Variants in NEDD4L observed in about 807,000 individuals in gnomAD.
NEDD4L encodes NEDD4 like E3 ubiquitin protein ligase.
Under a neutral mutation model 148.9 loss-of-function variants are expected in NEDD4L, and 54 were observed. The observed-to-expected ratio is 0.36, with a 90% confidence interval of 0.29 to 0.45. The LOEUF (loss-of-function observed/expected upper bound fraction) is 0.45, where lower values mean the gene tolerates loss of function less well. Among genes scored for constraint, NEDD4L ranks in the 20% least tolerant of loss-of-function variants. NEDD4L has a pLI of 1.00. For missense variants in NEDD4L, 856 were observed against 1,233.8 expected (o/e 0.69, Z 4.59); for synonymous variants, 433 against 440.7 (o/e 0.98, Z 0.22).
At chr18:58,232,394 A>G (rs972722622) in intron 2 of NEDD4L, among the ~76,000 whole-genome samples, 6 of 152,188 alleles carry the variant, frequency 3.9e-5, no homozygotes, top group African/African-American at 9.7e-5. Context: ...ACAAGCAAAA[A>G]TCTCCAGTGT....
intron 1 of NEDD4L, among the ~76,000 whole-genome samples, chr18:58,162,145 C>CT (rs1339788088): frequency 6.6e-6 from 1 of 152,174 alleles, no homozygotes; most frequent in African/African-American, 2.4e-5. Flanking sequence ...GTTCTCCCTC[C>CT]TTCTGCCCTG....
intron 1 of NEDD4L, among the ~76,000 whole-genome samples, chr18:58,114,340 T>TAAAA (rs747426397): frequency 1.3e-5 from 2 of 149,918 alleles, no homozygotes; most frequent in African/African-American, 4.9e-5. Flanking sequence ...TTGGGAGATT[T>TAAAA]AAAAAAAATA....
At chr18:58,221,459 TG>T in intron 2 of NEDD4L, 1 of 688,052 alleles carries the variant, frequency 1.5e-6, no homozygotes, top group Non-Finnish European at 1.8e-6. Flanking sequence ...CTTAACCTTA[TG>T]GTAGGAGGTG....
intron 1 of NEDD4L, chr18:58,090,971 T>A (rs1334775141): frequency 6.6e-6 from 1 of 152,272 alleles, no homozygotes; most frequent in African/African-American, 2.4e-5. Context: ...TTATAGCTGA[T>A]GTTTGAGTAT....
chr18:58,342,713 T>C (rs764206997), intron 15 of NEDD4L, among the ~76,000 whole-genome samples, 193 bp from the exon 16 acceptor site: 2 of 152,240 alleles, frequency 1.3e-5, no homozygotes, highest in African/African-American at 2.4e-5. Flanking sequence ...TACTTAATAT[T>C]GTTGTGTGTT....
intron 1 of NEDD4L, among the ~76,000 whole-genome samples, chr18:58,094,675 A>C (rs2084276557): frequency 6.6e-6 from 1 of 151,412 alleles, no homozygotes; most frequent in African/African-American, 2.4e-5. Flanking sequence ...TTCTCCATGG[A>C]CTCCACCCCT....
At chr18:58,132,682 C>G (rs1387286874) in intron 1 of NEDD4L, among the ~76,000 whole-genome samples, 1 of 152,196 alleles carries the variant, frequency 6.6e-6, no homozygotes, top group East Asian at 1.9e-4. Flanking sequence ...CTCAAGCCAA[C>G]CCTCGTTGTC....
chr18:58,390,614 G>A (rs111520412), intron 28 of NEDD4L, 32 bp from the exon 29 acceptor site: 12 of 1,403,252 alleles, frequency 8.6e-6, no homozygotes, highest in African/African-American at 4.2e-5. Flanking sequence ...GGTCACGTGG[G>A]GGGTATAATG....
intron 2 of NEDD4L, among the ~76,000 whole-genome samples, chr18:58,233,105 A>G (rs562062488): frequency 1.3e-5 from 2 of 152,386 alleles, no homozygotes; most frequent in African/African-American, 4.8e-5. Flanking sequence ...GGCATCTTGT[A>G]TAACACTTCA....
At chr18:58,367,974 C>T in intron 22 of NEDD4L, 107 bp downstream of exon 22, 1 of 1,213,482 alleles carries the variant, frequency 8.2e-7, no homozygotes, top group East Asian at 2.4e-5. Flanking sequence ...CTGGTTTACT[C>T]ATAAAGTATT....
At chr18:58,097,487 G>GC (rs1399099963) in intron 1 of NEDD4L, among the ~76,000 whole-genome samples, 1 of 152,182 alleles carries the variant, frequency 6.6e-6, no homozygotes, top group Non-Finnish European at 1.5e-5. Context: ...AAGGATCAGA[G>GC]CCCCCCACGT....
chr18:58,072,888 A>G (rs1005597562), intron 1 of NEDD4L, among the ~76,000 whole-genome samples: 39 of 143,144 alleles, frequency 2.7e-4, no homozygotes, highest in African/African-American at 1.1e-3. Flanking sequence ...ACACACACAC[A>G]CACACACACA....
chr18:58,325,407 T>C (rs2059225505), intron 9 of NEDD4L, among the ~76,000 whole-genome samples: 1 of 152,274 alleles, frequency 6.6e-6, no homozygotes, highest in African/African-American at 2.4e-5. Flanking sequence ...ATTTTCTATG[T>C]CTTCTTTTAT....
rs114063099 is a variant in NEDD4L, at chr18:58,248,333, A to C, written c.205-566A>C. 6.1e-3 allele frequency among the ~76,000 whole-genome samples: 927 copies of C among 152,366 alleles called. 15 individuals are homozygous for C. Among genetic ancestry groups the C allele is most frequent in the African/African-American group, 0.021 (879 of 41,580 alleles). ...ATGGATGAATGGAGAGGAAGACTGAAGGATAAGTAGACAAGTATTTTTTAA... is the reference window on the plus strand; with the variant it reads ...ATGGATGAATGGAGAGGAAGACTGACGGATAAGTAGACAAGTATTTTTTAA... On this transcript the variant is annotated intron_variant, in intron 3 of 30. Transcript: ENST00000400345.
At chr18:58,386,032 T>C (rs2048966575) in intron 26 of NEDD4L, among the ~76,000 whole-genome samples, 1 of 148,678 alleles carries the variant, frequency 6.7e-6, no homozygotes, top group East Asian at 1.9e-4. Flanking sequence ...CACTGCTGCC[T>C]GGGCTTGATT....
intron 4 of NEDD4L, 125 bp downstream of exon 4, chr18:58,249,062 G>A: frequency 1.8e-6 from 1 of 553,530 alleles, no homozygotes; most frequent in Non-Finnish European, 3.2e-6. Flanking sequence ...TGAAAAATAG[G>A]TAGCCTCCTA....
At chr18:58,092,828 A>G (rs1192685731) in intron 1 of NEDD4L, among the ~76,000 whole-genome samples, 1 of 151,730 alleles carries the variant, frequency 6.6e-6, no homozygotes, top group Non-Finnish European at 1.5e-5. Flanking sequence ...CAAAAAAAAA[A>G]AAAAAATCCA....
At chr18:58,297,771 T>C (rs1212800270) in intron 5 of NEDD4L, among the ~76,000 whole-genome samples, 1 of 152,200 alleles carries the variant, frequency 6.6e-6, no homozygotes, top group South Asian at 2.1e-4. Flanking sequence ...TTTAAGCCCC[T>C]GCTGTGCCTG....
chr18:58,125,090 G>A lies in NEDD4L; in HGVS notation c.49-40698G>A, dbSNP rs1033011062. On this transcript the variant is annotated intron_variant, in intron 1 of 30. Transcript: ENST00000400345. The stretch of plus-strand genomic sequence containing the variant: ...TTATTAAAAAACATTTTGAGAGATG[G>A]GGTTTCATGATGTTGCCAAAGCTGG... 4.6e-5 allele frequency among the ~76,000 whole-genome samples: 7 copies of A among 152,256 alleles called. No individual in the cohort carries two copies. The South Asian group carries it at 1.5e-3, about 32-fold the overall frequency.
Sources: allele counts gnomAD v4.1 joint callset (sites outside exome capture counted in the v4.1 genomes callset), GRCh38; gene constraint gnomAD v4.1.1; transcripts MANE v1.5; gene names NCBI Gene and HGNC (gene_info 2026-07-23, HGNC 2026-07-21).